The following TG variants were observed in gnomAD, a reference collection of about 807,000 sequenced individuals.
TG encodes thyroglobulin.
A neutral mutation model predicts 324.7 loss-of-function variants in TG; 270 were observed. The observed-to-expected ratio is 0.83, with a 90% CI of 0.75 to 0.92. The LOEUF is 0.92. TG is among the 40% of genes least tolerant of loss of function. TG has a pLI of 0.00. For missense variants in TG, 3,591 were observed against 3,456.4 expected (o/e 1.04, Z -0.98); for synonymous variants, 1,401 against 1,327.0 (o/e 1.06, Z -1.21).
intron 35 of TG, chr8:132,988,697 C>T (rs906968519): frequency 1.9e-5 from 19 of 985,138 alleles, no homozygotes; most frequent in Non-Finnish European, 1.1e-5. Context: ...ATGTACATTG[C>T]ATCTTAAAAG....
chr8:133,018,065 A>G, intron 38 of TG, 68 bp downstream of exon 38: 1 of 1,487,668 alleles, frequency 6.7e-7, no homozygotes, highest in Non-Finnish European at 9.3e-7. Flanking sequence ...ATCTATCCAA[A>G]TGGGACTCAG....
At position 133,113,406 on chromosome 8, in the gene TG, C is replaced by CT. The variant is rs759533889; in HGVS notation, c.7573-5dup. 0.041 allele frequency: 35,672 copies of CT among 870,388 alleles called. No individual in the cohort carries two copies. Among genetic ancestry groups the CT allele is most frequent in the Non-Finnish European group, 0.047 (28,898 of 612,916 alleles). The allele number at this position is 870,388 out of a possible 1,614,324, so 53.9% of individuals were successfully genotyped here. On this transcript the variant is annotated splice_polypyrimidine_tract_variant and intron_variant, in intron 43 of 47. Coordinates refer to ENST00000220616, the MANE Select transcript of TG (RefSeq NM_003235.5). Reference sequence around the variant, plus strand: ...AGAATCCAACTGAGGAATTTCGTATCTTTTTTTTTTTCTAGCAATTTGAGG... The same window carrying CT: ...AGAATCCAACTGAGGAATTTCGTATCTTTTTTTTTTTTCTAGCAATTTGAGG...
At chr8:133,050,777 T>A (rs1275949204) in intron 41 of TG, 2 of 1,307,424 alleles carry the variant, frequency 1.5e-6, no homozygotes, top group Admixed American at 3.4e-5. Flanking sequence ...AAGTTTATCC[T>A]GCTTTGAAGA....
At chr8:133,007,010 G>A (rs930151822) in intron 35 of TG, among the ~76,000 whole-genome samples, 1 of 152,008 alleles carries the variant, frequency 6.6e-6, no homozygotes, top group African/African-American at 2.4e-5. Flanking sequence ...TTTTTTTTTA[G>A]TAAACTCCTG....
chr8:133,127,919 T>C (rs967179823), intron 45 of TG, among the ~76,000 whole-genome samples: 1 of 152,038 alleles, frequency 6.6e-6, no homozygotes, highest in Non-Finnish European at 1.5e-5. Flanking sequence ...CTTCCTCGCC[T>C]CATCCACTCA....
At chr8:133,104,732 T>A (rs976519107) in intron 43 of TG, among the ~76,000 whole-genome samples, 2 of 151,514 alleles carry the variant, frequency 1.3e-5, no homozygotes, top group African/African-American at 4.9e-5. Flanking sequence ...TTCAGTGGAG[T>A]AACGGGAAGG....
intron 43 of TG, chr8:133,102,743 A>G: frequency 1.6e-6 from 1 of 624,064 alleles, no homozygotes; most frequent in Admixed American, 2.5e-5. Context: ...TTGCATGATC[A>G]AAAGCAGATT....
intron 35 of TG, among the ~76,000 whole-genome samples, chr8:132,997,764 A>G (rs1265770453): frequency 6.6e-6 from 1 of 152,258 alleles, no homozygotes; most frequent in African/African-American, 2.4e-5. Flanking sequence ...GTAAGAGAAC[A>G]AGATTGACAG....
At chr8:132,907,988 T>C (rs990449077) in intron 17 of TG, among the ~76,000 whole-genome samples, 198 bp from the exon 18 acceptor site, 3 of 152,210 alleles carry the variant, frequency 2.0e-5, no homozygotes, top group Non-Finnish European at 4.4e-5. Context: ...GACTGAGCTT[T>C]CTGTGAGGGT....
At chr8:133,026,676 G>A (rs1587798440) in intron 40 of TG, among the ~76,000 whole-genome samples, 1 of 152,140 alleles carries the variant, frequency 6.6e-6, no homozygotes, top group African/African-American at 2.4e-5. Context: ...CAGAAGGTCC[G>A]GCTGCCAACG....
At chr8:133,131,039 T>A (rs1211385466) in intron 45 of TG, among the ~76,000 whole-genome samples, 6 of 152,208 alleles carry the variant, frequency 3.9e-5, no homozygotes, top group Admixed American at 6.5e-5. Context: ...CAGTGGGGTA[T>A]GACTCACCTT....
chr8:133,010,395 A>C (rs1834402521), intron 35 of TG, among the ~76,000 whole-genome samples: 1 of 152,222 alleles, frequency 6.6e-6, no homozygotes, highest in South Asian at 2.1e-4. Context: ...GGTAAATGCT[A>C]CCAAATATTT....
intron 41 of TG, chr8:133,047,261 G>T (rs564651524): frequency 1.3e-5 from 2 of 152,632 alleles, no homozygotes; most frequent in Admixed American, 1.3e-4. Context: ...TGTAATGCTA[G>T]TGATGATGGT....
intron 35 of TG, among the ~76,000 whole-genome samples, chr8:132,999,486 C>A (rs564925580): frequency 6.6e-6 from 1 of 152,174 alleles, no homozygotes; most frequent in Non-Finnish European, 1.5e-5. Context: ...AACTCCCTGT[C>A]AAGCTGCCTG....
chr8:133,116,731 G>C lies in TG; in HGVS notation c.7862+15G>C. 6.2e-7 allele frequency: 1 copy of C among 1,608,752 alleles called. No individual in the cohort carries two copies. The highest frequency in any genetic ancestry group is 8.5e-7 in the Non-Finnish European group (1 of 1,175,128). ...GGCCATGGCAGGTAAGACGCTGCAGGGAAGCAGAGAAAGGAAGGTAAAACC... is the reference window on the plus strand; with the variant it reads ...GGCCATGGCAGGTAAGACGCTGCAGCGAAGCAGAGAAAGGAAGGTAAAACC... On this transcript the variant is annotated intron_variant, in intron 45 of 47. Coordinates refer to ENST00000220616, the MANE Select transcript of TG (RefSeq NM_003235.5).
chr8:133,000,470 C>T (rs996718363), intron 35 of TG, among the ~76,000 whole-genome samples: 1 of 152,186 alleles, frequency 6.6e-6, no homozygotes, highest in Non-Finnish European at 1.5e-5. Context: ...TGAGACTTAG[C>T]GTATAATTTA....
chr8:133,022,251 C>A lies in TG; in HGVS notation c.7036+101C>A, dbSNP rs963951391. On this transcript the variant is annotated intron_variant, in intron 40 of 47. Transcript: ENST00000220616. ...CTCACTGCCCCTGCTCCTCCTCCAG[C>A]CAAGCTAGGCACACAGTGGAAATTT... The A allele has an allele frequency of 1.3e-4, 195 of 1,510,206 alleles. 1 individual carries two copies. In the Middle Eastern group the frequency reaches 1.3e-3, roughly 10 times the overall value. 93.6% of individuals were successfully genotyped at this position (1,510,206 alleles called of 1,614,324 possible).
At chr8:132,914,674 G>T (rs1316922420) in intron 20 of TG, among the ~76,000 whole-genome samples, 2 of 152,228 alleles carry the variant, frequency 1.3e-5, no homozygotes, top group Non-Finnish European at 2.9e-5. Context: ...ACACAGGAGG[G>T]ACTGTAGCTC....
Position 132,868,229 on chromosome 8 carries a change from G to T in TG, c.176+6G>T, listed in dbSNP as rs374705393. 6.8e-6 allele frequency: 11 copies of T among 1,613,270 alleles called. No individual in the cohort carries two copies. The African/African-American group carries it at 9.3e-5, about 14-fold the overall frequency. ...GCAGAGGATGGCAGCTTCCAGTAAG[G>T]CTTATGTCAGCAGCGAACTCTCAAG... On this transcript the variant is annotated splice_donor_region_variant and intron_variant, in intron 2 of 47. Transcript: ENST00000220616.
Sources: gnomAD v4.1 joint callset for allele counts (sites outside exome capture counted in the v4.1 genomes callset) on GRCh38, gnomAD v4.1.1 for gene constraint, MANE v1.5 for transcripts, NCBI Gene and HGNC (gene_info 2026-07-23, HGNC 2026-07-21) for gene names.